TNFAIP8: variants seen among roughly 807,000 people sequenced by gnomAD.
The protein encoded by TNFAIP8 is TNF alpha induced protein 8.
TNFAIP8 carries 7 observed loss-of-function variants against 13.3 expected under a neutral mutation model. The ratio of observed to expected loss-of-function variants is 0.52; its 90% CI spans 0.30 to 0.99. The LOEUF (loss-of-function observed/expected upper bound fraction) is 0.99, where lower values mean the gene tolerates loss of function less well. Ranked by LOEUF, TNFAIP8 falls within the 50% of genes least tolerant of loss-of-function variation. The pLI, the probability that TNFAIP8 is intolerant of heterozygous loss-of-function variation, is 0.07. For synonymous variants in TNFAIP8, 94 were observed against 87.6 expected, an observed-to-expected ratio of 1.07 and a Z score of -0.41; for missense variants, 258 against 236.9, an observed-to-expected ratio of 1.09 and a Z score of -0.58.
intron 1 of TNFAIP8, among the ~76,000 whole-genome samples, chr5:119,320,155 G>C (rs1750012042): frequency 6.6e-6 from 1 of 152,076 alleles, no homozygotes; most frequent in African/African-American, 2.4e-5. Context: ...TTTTAAGGTT[G>C]ATTTCAATCT....
At chr5:119,321,350 G>C (rs561622563) in intron 1 of TNFAIP8, among the ~76,000 whole-genome samples, 1 of 152,250 alleles carries the variant, frequency 6.6e-6, no homozygotes, top group Admixed American at 6.5e-5. Context: ...GGGTATACCA[G>C]CATACAGCCA....
chr5:119,372,906 A>G (rs1240426053), intron 1 of TNFAIP8, among the ~76,000 whole-genome samples: 1 of 152,224 alleles, frequency 6.6e-6, no homozygotes, highest in Non-Finnish European at 1.5e-5. Context: ...GGTTTCAGTG[A>G]GCCAAGATGG....
At chr5:119,380,581 C>G (rs187130303) in intron 1 of TNFAIP8, among the ~76,000 whole-genome samples, 1 of 152,132 alleles carries the variant, frequency 6.6e-6, no homozygotes, top group East Asian at 1.9e-4. Flanking sequence ...ATAAATCCAG[C>G]TTAATTGAAA....
At chr5:119,359,141 GC>G (rs1312312417) in intron 1 of TNFAIP8, among the ~76,000 whole-genome samples, 1 of 152,116 alleles carries the variant, frequency 6.6e-6, no homozygotes, top group East Asian at 1.9e-4. Context: ...ACTGCAGAAT[GC>G]CCCGCCTTCC....
At chr5:119,385,709 T>A (rs1752643048) in intron 1 of TNFAIP8, among the ~76,000 whole-genome samples, 1 of 152,240 alleles carries the variant, frequency 6.6e-6, no homozygotes, top group African/African-American at 2.4e-5. Context: ...ATGTGAGGTC[T>A]CCGTTTTCAC....
At chr5:119,323,884 A>G (rs6888116) in intron 1 of TNFAIP8, among the ~76,000 whole-genome samples, 2 of 151,960 alleles carry the variant, frequency 1.3e-5, no homozygotes, top group African/African-American at 2.4e-5. Flanking sequence ...CTTGTCTAGA[A>G]TGTTTGTTAA....
At position 119,395,655 on chromosome 5, in the gene TNFAIP8, C is replaced by T. The variant is rs962549844; in HGVS notation, c.*2274C>T. 1 of 152,088 alleles carries T rather than the reference C, an allele frequency of 6.6e-6. No individual in the cohort carries two copies. The highest frequency in any genetic ancestry group is 2.4e-5 in the African/African-American group (1 of 41,396). The allele number at this position is 152,088 out of a possible 1,614,324, so 9.4% of individuals were successfully genotyped here. On this transcript the variant is annotated 3_prime_UTR_variant, in exon 2 of 2. Transcript: ENST00000504771. ...TTTCTCAGCATTTTCTGGAGGGGAC[C>T]CATCTCCTTACCAGTGCTGTGCCTG... is the stretch of plus-strand genomic sequence containing the variant.
chr5:119,269,092 G>A (rs574196833), intron 1 of TNFAIP8, among the ~76,000 whole-genome samples: 1 of 152,354 alleles, frequency 6.6e-6, no homozygotes, highest in East Asian at 1.9e-4. Context: ...GTGTGCAGGA[G>A]CGCACAGCCT....
chr5:119,324,889 C>G (rs1232125490), intron 1 of TNFAIP8, among the ~76,000 whole-genome samples: 1 of 151,884 alleles, frequency 6.6e-6, no homozygotes, highest in Non-Finnish European at 1.5e-5. Flanking sequence ...TGTTTTGTAG[C>G]CTTTGTGAAG....
chr5:119,343,699 A>T (rs1750810885), intron 1 of TNFAIP8, among the ~76,000 whole-genome samples: 3 of 152,230 alleles, frequency 2.0e-5, no homozygotes, highest in Non-Finnish European at 1.5e-5. Context: ...TAACATCAAG[A>T]TTATCAACTT....
rs1437102044 is a variant in TNFAIP8 at position 119,321,599 on chromosome 5, T to C, written c.1+52692T>C. On this transcript the variant is annotated intron_variant, in intron 1 of 1. Transcript: ENST00000274456. ...GCCACAAGCCCAGGAGGCATCCTGATTCCTCTGTTCACTCATCACACAGCT... is the reference window on the plus strand; with the variant it reads ...GCCACAAGCCCAGGAGGCATCCTGACTCCTCTGTTCACTCATCACACAGCT... Among the ~76,000 whole-genome samples the C allele has an allele frequency of 2.0e-5, 3 of 152,128 alleles. No homozygotes were observed. The East Asian group carries it at 5.8e-4, about 29-fold the overall frequency.
At chr5:119,377,562 A>G (rs7734378) in intron 1 of TNFAIP8, among the ~76,000 whole-genome samples, 14,433 of 152,112 alleles carry the variant, frequency 0.095, 1,009 homozygotes, top group African/African-American at 0.21. Flanking sequence ...AAATTTGTCA[A>G]ATTTACCACC....
chr5:119,330,214 G>T (rs1049434909), intron 1 of TNFAIP8, among the ~76,000 whole-genome samples: 2 of 152,174 alleles, frequency 1.3e-5, no homozygotes, highest in Non-Finnish European at 2.9e-5. Context: ...ATTAATCTTG[G>T]CAGCCATGGC....
intron 1 of TNFAIP8, among the ~76,000 whole-genome samples, chr5:119,313,228 A>G (rs1418271513): frequency 1.3e-5 from 2 of 152,252 alleles, no homozygotes; most frequent in African/African-American, 4.8e-5. Context: ...TTTGAGTTCA[A>G]GACTACTTAA....
intron 1 of TNFAIP8, among the ~76,000 whole-genome samples, chr5:119,274,220 T>C (rs1326198845): frequency 2.0e-5 from 3 of 152,062 alleles, no homozygotes; most frequent in African/African-American, 7.3e-5. Flanking sequence ...GAGAAAAAAA[T>C]GCATGGACAG....
chr5:119,299,798 C>T (rs1210735372), intron 1 of TNFAIP8, among the ~76,000 whole-genome samples: 3 of 152,224 alleles, frequency 2.0e-5, no homozygotes, highest in Admixed American at 2.0e-4. Context: ...TTTACCTAAG[C>T]AAGCCTGGGA....
upstream of TNFAIP8, among the ~76,000 whole-genome samples, chr5:119,353,474 AT>A (rs1025140335): frequency 4.6e-5 from 7 of 152,228 alleles, no homozygotes; most frequent in African/African-American, 7.2e-5. Flanking sequence ...ACTTATTCAC[AT>A]AAAGCCTTTT....
At chr5:119,381,231 A>G (rs144759084) in intron 1 of TNFAIP8, among the ~76,000 whole-genome samples, 1 of 152,168 alleles carries the variant, frequency 6.6e-6, no homozygotes, top group Admixed American at 6.5e-5. Flanking sequence ...CTCCCTGCCA[A>G]ACAAAGCCTT....
intron 1 of TNFAIP8, among the ~76,000 whole-genome samples, chr5:119,364,836 T>G (rs1482006162): frequency 2.0e-5 from 3 of 147,780 alleles, no homozygotes; most frequent in Non-Finnish European, 4.4e-5. Context: ...CCTTTTTTCT[T>G]TTCAGTTTTT....
Sources: allele counts gnomAD v4.1 joint callset (sites outside exome capture counted in the v4.1 genomes callset), GRCh38; gene constraint gnomAD v4.1.1; transcripts MANE v1.5; gene names NCBI Gene and HGNC (gene_info 2026-07-23, HGNC 2026-07-21).